CALD1: variants seen among roughly 807,000 people sequenced by gnomAD.
The protein encoded by CALD1 is caldesmon.
A neutral mutation model predicts 99.9 loss-of-function variants in CALD1; 33 were observed. That is an observed-to-expected ratio of 0.33 (90% CI 0.25 to 0.44). The LOEUF (loss-of-function observed/expected upper bound fraction) is 0.44, where lower values mean the gene tolerates loss of function less well. CALD1 is among the 20% of genes least tolerant of loss of function. The probability of loss-of-function intolerance (pLI) is 1.00; values close to 1 mark genes in which losing one functional copy is unlikely to be tolerated. For missense variants in CALD1, 861 were observed against 962.1 expected, an observed-to-expected ratio of 0.89 and a Z score of 1.39; for synonymous variants, 310 against 325.0, an observed-to-expected ratio of 0.95 and a Z score of 0.50.
At chr7:134,868,015 A>G (rs10255971) in intron 3 of CALD1, 62,973 of 372,396 alleles carry the variant, frequency 0.17, 7,291 homozygotes, top group African/African-American at 0.41. Flanking sequence ...GAGATTTGAG[A>G]GGAATCAATT....
At chr7:134,858,992 A>G (rs1346244646) in intron 2 of CALD1, among the ~76,000 whole-genome samples, 1 of 152,182 alleles carries the variant, frequency 6.6e-6, no homozygotes, top group African/African-American at 2.4e-5. Context: ...TTGAAATGGG[A>G]CTGGTGAAGC....
rs71532818 is a variant in CALD1, at chr7:134,866,261, G to A, written c.-41-1432G>A. Among the ~76,000 whole-genome samples the A allele has an allele frequency of 4.8e-3, 730 of 152,144 alleles. 4 individuals are homozygous for A. The highest frequency in any genetic ancestry group is 8.1e-3 in the Non-Finnish European group (553 of 67,992). Reference sequence around the variant, plus strand: ...AGTGTAGAAAAATTTCTTTATGGTCGATGAAATAATAAGAAGGAAAATGGG... The same window carrying A: ...AGTGTAGAAAAATTTCTTTATGGTCAATGAAATAATAAGAAGGAAAATGGG... On this transcript the variant is annotated intron_variant, in intron 2 of 14. Coordinates refer to ENST00000361675, the MANE Select transcript of CALD1 (RefSeq NM_033138.4).
At chr7:134,889,032 C>A (rs1178556949) in intron 3 of CALD1, among the ~76,000 whole-genome samples, 2 of 152,092 alleles carry the variant, frequency 1.3e-5, no homozygotes, top group African/African-American at 4.8e-5. Flanking sequence ...ATGCCAAAAC[C>A]ATACCTGTCA....
At chr7:134,917,189 T>C (rs1804275606) in intron 3 of CALD1, among the ~76,000 whole-genome samples, 1 of 152,188 alleles carries the variant, frequency 6.6e-6, no homozygotes, top group Admixed American at 6.5e-5. Flanking sequence ...TTTAAACGAC[T>C]AAGCCCAAGG....
At chr7:134,913,413 T>C (rs531961144) in intron 3 of CALD1, among the ~76,000 whole-genome samples, 14 of 152,386 alleles carry the variant, frequency 9.2e-5, no homozygotes, top group Admixed American at 9.1e-4. Context: ...TGAACATTAA[T>C]AGATTAAATT....
intron 2 of CALD1, among the ~76,000 whole-genome samples, chr7:134,864,133 G>A (rs1800688872): frequency 1.3e-5 from 2 of 152,122 alleles, no homozygotes; most frequent in South Asian, 2.1e-4. Flanking sequence ...AGGATCACCT[G>A]AGGTCAGGAG....
intron 1 of CALD1, among the ~76,000 whole-genome samples, chr7:134,763,050 A>C (rs989266336): frequency 1.3e-5 from 2 of 152,198 alleles, no homozygotes; most frequent in African/African-American, 2.4e-5. Flanking sequence ...CTATACCTCT[A>C]TCTACCTATT....
the CALD1 span, among the ~76,000 whole-genome samples, chr7:134,735,756 C>CG: frequency 3.3e-5 from 5 of 152,164 alleles, no homozygotes; most frequent in Admixed American, 3.3e-4. Flanking sequence ...GAATTTGGAA[C>CG]TTTTTTCTAA....
At chr7:134,864,911 C>A (rs1800735078) in intron 2 of CALD1, among the ~76,000 whole-genome samples, 1 of 152,092 alleles carries the variant, frequency 6.6e-6, no homozygotes, top group South Asian at 2.1e-4. Flanking sequence ...GTCCCTCCTC[C>A]AGCACAAAAA....
intron 1 of CALD1, among the ~76,000 whole-genome samples, chr7:134,829,826 G>A (rs752840122): frequency 6.6e-6 from 1 of 152,150 alleles, no homozygotes; most frequent in Non-Finnish European, 1.5e-5. Flanking sequence ...AGATGATGGT[G>A]GCTTGGATTT....
intron 1 of CALD1, among the ~76,000 whole-genome samples, chr7:134,794,358 C>T (rs987623256): frequency 2.0e-5 from 3 of 152,122 alleles, no homozygotes; most frequent in African/African-American, 7.2e-5. Context: ...GCATATGACC[C>T]GAAAGACAAA....
At chr7:134,932,597 C>G (rs954301766) in intron 4 of CALD1, among the ~76,000 whole-genome samples, 7 of 152,184 alleles carry the variant, frequency 4.6e-5, no homozygotes, top group Non-Finnish European at 7.4e-5. Flanking sequence ...AAGCACATCA[C>G]CACTGTGGGT....
At chr7:134,875,072 G>A (rs1023797570) in intron 3 of CALD1, among the ~76,000 whole-genome samples, 5 of 152,154 alleles carry the variant, frequency 3.3e-5, no homozygotes, top group African/African-American at 9.7e-5. Context: ...AGTTAAATAC[G>A]ATATTCCTTT....
intron 1 of CALD1, among the ~76,000 whole-genome samples, chr7:134,810,043 A>C (rs1324964104): frequency 6.6e-6 from 1 of 152,248 alleles, no homozygotes; most frequent in Non-Finnish European, 1.5e-5. Context: ...AAGGTCACCA[A>C]AACACTTTGT....
intron 3 of CALD1, among the ~76,000 whole-genome samples, chr7:134,915,611 C>A (rs1804148393): frequency 6.6e-6 from 1 of 152,210 alleles, no homozygotes; most frequent in Non-Finnish European, 1.5e-5. Context: ...TAGAATGTCT[C>A]TAATGCTCAT....
At chr7:134,803,018 C>T (rs890688732) in intron 1 of CALD1, among the ~76,000 whole-genome samples, 1 of 152,202 alleles carries the variant, frequency 6.6e-6, no homozygotes, top group African/African-American at 2.4e-5. Context: ...AATAAATTAG[C>T]ATTCCAGTGG....
chr7:134,863,203 G>A (rs1266866436), intron 2 of CALD1, among the ~76,000 whole-genome samples: 16 of 152,128 alleles, frequency 1.1e-4, no homozygotes, highest in Non-Finnish European at 4.4e-5. Flanking sequence ...GGGAATATAT[G>A]GAAACTCTGT....
intron 1 of CALD1, among the ~76,000 whole-genome samples, chr7:134,751,056 T>G (rs1165443671): frequency 6.6e-6 from 1 of 152,204 alleles, no homozygotes; most frequent in East Asian, 1.9e-4. Context: ...TTGGTTCACT[T>G]ACAATGCACA....
chr7:134,723,534 CTTTTTTTTTTTTT>C, the CALD1 span, among the ~76,000 whole-genome samples: 2 of 87,694 alleles, frequency 2.3e-5, no homozygotes, highest in South Asian at 9.4e-4. Flanking sequence ...GAAAAGGTAA[CTTTTTTTTTTTTT>C]TTTTTTTTTT....
Sources: allele counts gnomAD v4.1 joint callset (sites outside exome capture counted in the v4.1 genomes callset), GRCh38; gene constraint gnomAD v4.1.1; transcripts MANE v1.5; gene names NCBI Gene and HGNC (gene_info 2026-07-23, HGNC 2026-07-21).